SLC34A2: variants seen among roughly 807,000 people sequenced by gnomAD.
SLC34A2 encodes the protein sodium-dependent phosphate transport protein 2B.
In SLC34A2, 41 loss-of-function variants were observed where a neutral mutation model predicts 50.8. The observed-to-expected ratio is 0.81, with a 90% confidence interval of 0.63 to 1.05. The LOEUF is 1.05. Among genes scored for constraint, SLC34A2 ranks in the 50% least tolerant of loss-of-function variants. The pLI is 0.00. For synonymous variants in SLC34A2, 401 were observed against 364.2 expected, an observed-to-expected ratio of 1.10 and a Z score of -1.15; for missense variants, 879 against 876.7, an observed-to-expected ratio of 1.00 and a Z score of -0.03.
At position 25,670,750 on chromosome 4, in the gene SLC34A2, G is replaced by A. The variant is rs1223366439; in HGVS notation, c.844G>A (p.Val282Ile). ...ACTGTTTCCACAGCTGGATAAAAAA[G>A]TTATCAGCCAAATTGCAATGAACGA... ...TKLIVQLDKK[V>I]ISQIAMNDEK... The change falls in exon 8 of 13, where the codon GTT becomes ATT. Residue 282 changes from valine to isoleucine, a missense_variant. Coordinates refer to ENST00000382051, the MANE Select transcript of SLC34A2 (RefSeq NM_006424.3). The A allele has an allele frequency of 6.2e-7, 1 of 1,613,724 alleles. No individual in the cohort carries two copies.
At position 25,662,688 on chromosome 4, in the gene SLC34A2, C is replaced by G. The variant is rs371122100; in HGVS notation, c.113-17C>G. 6 of 1,613,956 alleles carry G rather than the reference C, an allele frequency of 3.7e-6. No individual in the cohort carries two copies. The African/African-American group carries it at 8.0e-5, about 22-fold the overall frequency. On this transcript the variant is annotated splice_polypyrimidine_tract_variant and intron_variant, in intron 2 of 12. Transcript: ENST00000382051. ...GACTCAGGTCTGATTCCTCATTACC[C>G]CTTTTGCTTGTTTCAGCAGATAACA...
chr4:25,674,535 A>G lies in SLC34A2; in HGVS notation c.1364A>G (p.Tyr455Cys). Residue 455 changes from tyrosine (Y) to cysteine (C), a missense_variant, in exon 12 of 13, where the codon TAT becomes TGT. Tyr to Cys is a radical substitution (Grantham distance 194). Transcript: ENST00000382051. ...GGCGTGATAACCATTGAGAGGGCTTATCCACTCACGCTGGGCTCCAACATC... is the reference window on the plus strand; with the variant it reads ...GGCGTGATAACCATTGAGAGGGCTTGTCCACTCACGCTGGGCTCCAACATC... ...GIGVITIERA[Y>C]PLTLGSNIGT... 2 of 1,614,156 alleles carry G rather than the reference A, an allele frequency of 1.2e-6. No individual in the cohort carries two copies. The highest frequency in any genetic ancestry group is 1.7e-6 in the Non-Finnish European group (2 of 1,180,022).
Position 25,676,725 on chromosome 4 carries a change from A to C in SLC34A2, c.2049A>C (p.Ser683=), listed in dbSNP as rs1193689554. ...EAQGEVPASD[S]KTECTAL is the part of the protein sequence containing the mutation. ...AGGGTGAGGTCCCTGCCTCGGACTCAAAGACCGAATGCACGGCCTTGTAGG... is the reference window on the plus strand; with the variant it reads ...AGGGTGAGGTCCCTGCCTCGGACTCCAAGACCGAATGCACGGCCTTGTAGG... The change falls in exon 13 of 13, where the codon TCA becomes TCC. Residue 683 remains serine, a synonymous_variant. Coordinates refer to ENST00000382051, the MANE Select transcript of SLC34A2 (RefSeq NM_006424.3). 2 of 1,614,136 alleles carry C rather than the reference A, an allele frequency of 1.2e-6. No individual in the cohort carries two copies. Among genetic ancestry groups the C allele is most frequent in the Admixed American group, 3.3e-5 (2 of 60,024 alleles).
intron 1 of SLC34A2, among the ~76,000 whole-genome samples, chr4:25,662,266 G>C (rs1382456500): frequency 6.6e-6 from 1 of 152,262 alleles, no homozygotes; most frequent in Non-Finnish European, 1.5e-5. Flanking sequence ...GTACGAGGTA[G>C]TTTGCTTTAG....
chr4:25,674,544 C>T lies in SLC34A2; in HGVS notation c.1373C>T (p.Thr458Met), dbSNP rs760586486. ...ACCATTGAGAGGGCTTATCCACTCA[C>T]GCTGGGCTCCAACATCGGCACCACC... is the stretch of plus-strand genomic sequence containing the variant. ...VITIERAYPLTLGSNIGTTTT... is the reference protein window; with the variant it reads ...VITIERAYPLMLGSNIGTTTT... The change falls in exon 12 of 13, where the codon ACG (threonine) becomes ATG (methionine). Residue 458 changes from threonine to methionine, a missense_variant. Physicochemically the swap from Thr to Met is moderately conservative, Grantham distance 81 (BLOSUM62 -1). Transcript: ENST00000382051. 25 of 1,614,108 alleles carry T rather than the reference C, an allele frequency of 1.5e-5. No individual in the cohort carries two copies. The highest frequency in any genetic ancestry group is 1.3e-4 in the East Asian group (6 of 44,892).
rs557221782 is a variant in SLC34A2, at chr4:25,657,590, A to G, written c.-4+1700A>G. 2.9e-4 allele frequency among the ~76,000 whole-genome samples: 44 copies of G among 152,378 alleles called. 1 individual carries two copies. The South Asian group carries it at 7.5e-3, about 26-fold the overall frequency. On this transcript the variant is annotated intron_variant, in intron 1 of 12. Coordinates refer to ENST00000382051, the MANE Select transcript of SLC34A2 (RefSeq NM_006424.3). Reference sequence around the variant, plus strand: ...TTTATTTTAAGATATCATAAATACAAATTGATAGTGCATGGTGAGGGTGTG... The same window carrying G: ...TTTATTTTAAGATATCATAAATACAGATTGATAGTGCATGGTGAGGGTGTG...
intron 1 of SLC34A2, among the ~76,000 whole-genome samples, chr4:25,657,076 G>C (rs1713922770): frequency 1.3e-5 from 2 of 152,130 alleles, no homozygotes; most frequent in South Asian, 4.1e-4. Context: ...TTTGGGGAAT[G>C]GGTGATAAGA....
At chr4:25,656,087 C>T (rs1713865135) in intron 1 of SLC34A2, among the ~76,000 whole-genome samples, 197 bp downstream of exon 1, 1 of 152,248 alleles carries the variant, frequency 6.6e-6, no homozygotes, top group Non-Finnish European at 1.5e-5. Flanking sequence ...TTTATTACAG[C>T]TTTTGCTGCT....
chr4:25,671,503 T>A, intron 8 of SLC34A2, 98 bp from the exon 9 acceptor site: 1 of 1,447,944 alleles, frequency 6.9e-7, no homozygotes, highest in Non-Finnish European at 9.7e-7. Flanking sequence ...GCATGCACCA[T>A]GGGTGGTGTC....
chr4:25,658,754 C>T (rs924763069), intron 1 of SLC34A2, among the ~76,000 whole-genome samples: 6 of 152,246 alleles, frequency 3.9e-5, no homozygotes, highest in South Asian at 2.1e-4. Context: ...CTGCTTCTGG[C>T]AGGTGGCAAG....
chr4:25,672,136 A>G (rs1714851887), intron 9 of SLC34A2, among the ~76,000 whole-genome samples: 1 of 152,166 alleles, frequency 6.6e-6, no homozygotes, highest in African/African-American at 2.4e-5. Context: ...GGAGTTTGAG[A>G]CCAGCCTGGC....
chr4:25,668,902 T>C (rs1259739068), intron 6 of SLC34A2, among the ~76,000 whole-genome samples: 3 of 151,322 alleles, frequency 2.0e-5, no homozygotes, highest in Admixed American at 6.6e-5. Context: ...TTTTTTTTTT[T>C]TTCAGTTTTT....
chr4:25,675,778 C>T (rs956587242), intron 12 of SLC34A2, among the ~76,000 whole-genome samples: 3 of 152,204 alleles, frequency 2.0e-5, no homozygotes, highest in Non-Finnish European at 2.9e-5. Context: ...AGTGACCAAG[C>T]GCCTGGCCTC....
Position 25,674,581 on chromosome 4 carries a change from C to T in SLC34A2, c.1410C>T (p.Ile470=). 1.9e-6 allele frequency: 3 copies of T among 1,614,238 alleles called. No individual in the cohort carries two copies. Among genetic ancestry groups the T allele is most frequent in the South Asian group, 2.2e-5 (2 of 91,086 alleles). The change falls in exon 12 of 13, where the codon ATC becomes ATT. Residue 470 remains isoleucine, a synonymous_variant. Coordinates refer to ENST00000382051, the MANE Select transcript of SLC34A2 (RefSeq NM_006424.3). ...ACATCGGCACCACCACCACCGCCAT[C>T]CTGGCCGCCTTAGCCAGCCCTGGCA... ...GSNIGTTTTA[I]LAALASPGNA... is the part of the protein sequence containing the mutation.
intron 12 of SLC34A2, among the ~76,000 whole-genome samples, chr4:25,675,075 A>G (rs1327066695): frequency 6.6e-6 from 1 of 152,206 alleles, no homozygotes; most frequent in East Asian, 1.9e-4. Flanking sequence ...ACTGTAGCCC[A>G]GGCTGGAGTG....
rs935152944 is a variant in SLC34A2, at chr4:25,669,743, A to T, written c.732A>T (p.Ile244=). ...TGGCCACCCATTACCTCGAGATCAT[A>T]ACCCAGCTTATAGTGGAGAGCTTCC... is the stretch of plus-strand genomic sequence containing the variant. ...VEVATHYLEI[I]TQLIVESFHF... is the part of the protein sequence containing the mutation. The change falls in exon 7 of 13, where the codon ATA becomes ATT. Residue 244 remains isoleucine (I), a synonymous_variant. Coordinates refer to ENST00000382051, the MANE Select transcript of SLC34A2 (RefSeq NM_006424.3). The T allele has an allele frequency of 3.1e-6, 5 of 1,614,062 alleles. No individual in the cohort carries two copies. Among genetic ancestry groups the T allele is most frequent in the Admixed American group, 1.7e-5 (1 of 60,002 alleles).
chr4:25,666,012 G>A, intron 4 of SLC34A2, 116 bp from the exon 5 acceptor site: 3 of 1,298,790 alleles, frequency 2.3e-6, no homozygotes, highest in Non-Finnish European at 3.3e-6. Flanking sequence ...ATGGAGGCTG[G>A]ACTCTGCAAC....
In SLC34A2 at chr4:25,676,428, G is replaced by C. The variant is rs150425667; in HGVS notation, c.1752G>C (p.Pro584=). The C allele has an allele frequency of 4.3e-6, 7 of 1,614,006 alleles. No homozygotes were observed. Among genetic ancestry groups the C allele is most frequent in the Non-Finnish European group, 5.9e-6 (7 of 1,179,916 alleles). Residue 584 remains proline (P), a synonymous_variant, in exon 13 of 13, where the codon CCG becomes CCC. Transcript: ENST00000382051. ...AGTCTCGCTGCCCACGCGTCCTGCCGAAGAAACTCCAGAACTGGAACTTCC... is the reference window on the plus strand; with the variant it reads ...AGTCTCGCTGCCCACGCGTCCTGCCCAAGAAACTCCAGAACTGGAACTTCC... ...LLQSRCPRVL[P]KKLQNWNFLP...
In SLC34A2 at chr4:25,676,774, G is replaced by T. The variant is rs3733545; in HGVS notation, c.*25G>T. 0.22 allele frequency: 353,778 copies of T among 1,613,262 alleles called. 43,965 individuals carry two copies. Among genetic ancestry groups the T allele is most frequent in the East Asian group, 0.61 (27,394 of 44,816 alleles). ...GGGGACGCCCCAGATTGTCAGGGATGGGGGGATGGTCCTTGAGTTTTGCAT... is the reference window on the plus strand; with the variant it reads ...GGGGACGCCCCAGATTGTCAGGGATTGGGGGATGGTCCTTGAGTTTTGCAT... On this transcript the variant is annotated 3_prime_UTR_variant, in exon 13 of 13. Transcript: ENST00000382051.
Sources: gnomAD v4.1 joint callset for allele counts (sites outside exome capture counted in the v4.1 genomes callset) on GRCh38, gnomAD v4.1.1 for gene constraint, MANE v1.5 for transcripts, NCBI Gene and HGNC (gene_info 2026-07-23, HGNC 2026-07-21) for gene names.